Variants in CCNY observed in about 807,000 individuals in gnomAD.
CCNY encodes cyclin-Y.
A neutral mutation model predicts 42.8 loss-of-function variants in CCNY; 19 were observed. The ratio of observed to expected loss-of-function variants is 0.44; its 90% CI spans 0.31 to 0.65. The LOEUF (loss-of-function observed/expected upper bound fraction) is 0.65, where lower values mean the gene tolerates loss of function less well. Among genes scored for constraint, CCNY ranks in the 30% least tolerant of loss-of-function variants. The probability of loss-of-function intolerance (pLI) is 0.07; values close to 1 mark genes in which losing one functional copy is unlikely to be tolerated. For missense variants in CCNY, 370 were observed against 437.3 expected (o/e 0.85, Z 1.37); for synonymous variants, 165 against 162.7 (o/e 1.01, Z -0.11).
chr10:35,390,657 C>A (rs1046072761), intron 1 of CCNY, among the ~76,000 whole-genome samples: 2 of 152,124 alleles, frequency 1.3e-5, no homozygotes, highest in Non-Finnish European at 2.9e-5. Flanking sequence ...TGCTTCCCAG[C>A]CTATGTGCAG....
At chr10:35,394,967 A>C (rs1837490846) in intron 1 of CCNY, 1 of 431,624 alleles carries the variant, frequency 2.3e-6, no homozygotes. Context: ...TTCGCCACAT[A>C]TTCTTCCCAC....
chr10:35,568,983 C>T lies in CCNY; in HGVS notation c.910-71C>T, dbSNP rs201584563. ...CCTGTCCCTCATGCAGCGCCCTCGG[C>T]GCCCAGGACGAGTGAGCAATGGACG... On this transcript the variant is annotated intron_variant, in intron 9 of 9. Transcript: ENST00000374704. 6.2e-3 allele frequency: 6,214 copies of T among 1,004,318 alleles called. 34 individuals are homozygous for T. The highest frequency in any genetic ancestry group is 8.6e-3 in the Non-Finnish European group (5,477 of 634,784). 62.2% of individuals were successfully genotyped at this position (1,004,318 alleles called of 1,614,324 possible).
At chr10:35,458,769 C>A (rs1317889346) in intron 1 of CCNY, among the ~76,000 whole-genome samples, 1 of 152,220 alleles carries the variant, frequency 6.6e-6, no homozygotes, top group East Asian at 1.9e-4. Flanking sequence ...AACCACTGCT[C>A]CCACGCCTGC....
intron 1 of CCNY, among the ~76,000 whole-genome samples, chr10:35,411,879 T>G (rs1316874292): frequency 6.6e-6 from 1 of 152,242 alleles, no homozygotes; most frequent in African/African-American, 2.4e-5. Flanking sequence ...TGGAATGGAT[T>G]TGCTATGATA....
intron 5 of CCNY, among the ~76,000 whole-genome samples, chr10:35,528,626 G>C (rs1236754242): frequency 6.6e-6 from 1 of 152,200 alleles, no homozygotes; most frequent in Non-Finnish European, 1.5e-5. Context: ...CAAGGAGGCT[G>C]AGGCAGGAGA....
At chr10:35,343,382 C>CTTTTTTTTTTT (rs9299720) in intron 1 of CCNY, among the ~76,000 whole-genome samples, 2 of 85,916 alleles carry the variant, frequency 2.3e-5, no homozygotes, top group Non-Finnish European at 4.2e-5. Flanking sequence ...AGCTGATGGT[C>CTTTTTTTTTTT]TTTTTTTTTT....
At chr10:35,547,913 G>A (rs1046141117) in intron 7 of CCNY, among the ~76,000 whole-genome samples, 1 of 152,160 alleles carries the variant, frequency 6.6e-6, no homozygotes, top group African/African-American at 2.4e-5. Context: ...ACTAATTTGG[G>A]AAGGTCAAGG....
intron 3 of CCNY, among the ~76,000 whole-genome samples, chr10:35,255,550 G>A (rs144439299): frequency 4.3e-4 from 65 of 151,662 alleles, no homozygotes; most frequent in African/African-American, 1.5e-3. Flanking sequence ...CACCTGCCTC[G>A]GTCTCCCAAA....
chr10:35,255,387 C>A (rs2135025419), intron 3 of CCNY, among the ~76,000 whole-genome samples: 1 of 149,904 alleles, frequency 6.7e-6, no homozygotes, highest in Non-Finnish European at 1.5e-5. Flanking sequence ...GTGGCACGAT[C>A]TCGGCTCATT....
intron 3 of CCNY, 24 bp from the exon 4 acceptor site, chr10:35,516,499 A>T: frequency 6.5e-7 from 1 of 1,537,860 alleles, no homozygotes; most frequent in South Asian, 1.1e-5. Flanking sequence ...TAATTGCCTT[A>T]ATCTTCTTGC....
chr10:35,498,037 G>C (rs1362980852), intron 2 of CCNY, among the ~76,000 whole-genome samples: 1 of 152,160 alleles, frequency 6.6e-6, no homozygotes, highest in Admixed American at 6.5e-5. Flanking sequence ...TACAGTGCAA[G>C]CACATGAGGC....
chr10:35,321,012 A>G (rs927580681), intron 3 of CCNY: 2 of 151,092 alleles, frequency 1.3e-5, no homozygotes, highest in African/African-American at 2.4e-5. Context: ...GCTACTTGGG[A>G]GGCTGAGACA....
At chr10:35,520,008 A>T (rs1350964010) in intron 4 of CCNY, among the ~76,000 whole-genome samples, 1 of 151,434 alleles carries the variant, frequency 6.6e-6, no homozygotes, top group East Asian at 1.9e-4. Flanking sequence ...CAAGCAATCT[A>T]CCCACCTTGG....
chr10:35,473,493 G>A (rs1411098856), intron 1 of CCNY, among the ~76,000 whole-genome samples: 3 of 152,178 alleles, frequency 2.0e-5, no homozygotes, highest in Non-Finnish European at 4.4e-5. Flanking sequence ...CGCTGCAAAG[G>A]CGGGTCTAAG....
intron 7 of CCNY, among the ~76,000 whole-genome samples, chr10:35,540,694 C>T (rs1345275838): frequency 2.0e-5 from 3 of 151,914 alleles, no homozygotes; most frequent in Non-Finnish European, 2.9e-5. Flanking sequence ...TCAGTCTCTT[C>T]GCTTGTTTCT....
At position 35,312,337 on chromosome 10, in the gene CCNY, C is replaced by T. The variant is rs528177348; in HGVS notation, c.-9+61711C>T. ...CGGAGCTTGCAGTGAGCCGAGATTG[C>T]GCCACTGCACTCCAGCCTGGGCAAC... On this transcript the variant is annotated intron_variant, in intron 3 of 11. Coordinates refer to the CCNY transcript ENST00000374706. 2.1e-3 allele frequency among the ~76,000 whole-genome samples: 273 copies of T among 127,904 alleles called. 1 individual carries two copies. The highest frequency in any genetic ancestry group is 2.9e-3 in the Non-Finnish European group (178 of 62,042). 83.9% of individuals were successfully genotyped at this position (127,904 alleles called of 152,430 possible). A position where few individuals can be genotyped will look rare whatever the true frequency, so the allele number is the denominator to read the frequency against.
intron 1 of CCNY, among the ~76,000 whole-genome samples, chr10:35,359,236 C>T (rs1372050107): frequency 1.3e-5 from 2 of 152,152 alleles, no homozygotes; most frequent in Admixed American, 1.3e-4. Context: ...CTCTGTGGGT[C>T]GACAGATGCT....
At chr10:35,410,550 A>G (rs1303740284) in intron 1 of CCNY, among the ~76,000 whole-genome samples, 1 of 152,236 alleles carries the variant, frequency 6.6e-6, no homozygotes, top group Admixed American at 6.5e-5. Flanking sequence ...GGGAGGAAAG[A>G]GTTTCTGTGC....
At chr10:35,498,755 C>A (rs1840052101) in intron 2 of CCNY, among the ~76,000 whole-genome samples, 1 of 152,162 alleles carries the variant, frequency 6.6e-6, no homozygotes, top group African/African-American at 2.4e-5. Flanking sequence ...GGAAAATCTT[C>A]TCAGAAACTG....
Sources: allele counts gnomAD v4.1 joint callset (sites outside exome capture counted in the v4.1 genomes callset), GRCh38; gene constraint gnomAD v4.1.1; transcripts MANE v1.5; gene names NCBI Gene and HGNC (gene_info 2026-07-23, HGNC 2026-07-21).